The following B4GALT5 variants were observed in gnomAD, a reference collection of about 807,000 sequenced individuals.
B4GALT5 encodes beta-1,4-galactosyltransferase 5.
In B4GALT5, 11 loss-of-function variants were observed where a neutral mutation model predicts 45.0. The observed-to-expected ratio is 0.24, with a 90% CI of 0.15 to 0.40. B4GALT5 has a LOEUF of 0.40. Ranked by LOEUF, B4GALT5 falls within the 10% of genes least tolerant of loss-of-function variation. The pLI is 1.00. For synonymous variants in B4GALT5, 185 were observed against 182.9 expected, an observed-to-expected ratio of 1.01 and a Z score of -0.09; for missense variants, 337 against 500.2, an observed-to-expected ratio of 0.67 and a Z score of 3.11.
chr20:49,654,075 T>C (rs1384715284), intron 2 of B4GALT5, among the ~76,000 whole-genome samples: 2 of 152,218 alleles, frequency 1.3e-5, no homozygotes, highest in African/African-American at 2.4e-5. Context: ...TGCAGAAGTA[T>C]GACATCTGGA....
At chr20:49,642,871 T>C (rs1299770714) in intron 4 of B4GALT5, among the ~76,000 whole-genome samples, 1 of 152,230 alleles carries the variant, frequency 6.6e-6, no homozygotes, top group African/African-American at 2.4e-5. Context: ...AAAATACATC[T>C]ATAAACTTAC....
At chr20:49,673,724 A>C (rs2085725441) in intron 1 of B4GALT5, among the ~76,000 whole-genome samples, 1 of 152,180 alleles carries the variant, frequency 6.6e-6, no homozygotes, top group Non-Finnish European at 1.5e-5. Flanking sequence ...ACTTTGATTA[A>C]ACAGGAGAAT....
intron 1 of B4GALT5, among the ~76,000 whole-genome samples, chr20:49,701,027 C>T (rs181894378): frequency 6.6e-6 from 1 of 152,216 alleles, no homozygotes; most frequent in African/African-American, 2.4e-5. Context: ...AATATAAAAT[C>T]ACCCAAAACT....
intron 1 of B4GALT5, among the ~76,000 whole-genome samples, chr20:49,673,784 G>A (rs1288446302): frequency 6.6e-6 from 1 of 152,078 alleles, no homozygotes; most frequent in African/African-American, 2.4e-5. Flanking sequence ...TTAACTGCCT[G>A]GATAATTATC....
At chr20:49,667,409 G>A (rs372427180) in intron 1 of B4GALT5, among the ~76,000 whole-genome samples, 5 of 151,942 alleles carry the variant, frequency 3.3e-5, no homozygotes, top group African/African-American at 9.7e-5. Context: ...CTGCCACCTC[G>A]CCCGGCTAAT....
chr20:49,694,339 C>G (rs750954518), intron 1 of B4GALT5, among the ~76,000 whole-genome samples: 34 of 151,990 alleles, frequency 2.2e-4, no homozygotes, highest in Non-Finnish European at 1.5e-5. Flanking sequence ...AAAACTGTAA[C>G]TTCCTCTTCC....
intron 1 of B4GALT5, among the ~76,000 whole-genome samples, chr20:49,660,178 GT>G (rs1267566566): frequency 6.6e-6 from 1 of 152,164 alleles, no homozygotes. Flanking sequence ...TACTGGCCCA[GT>G]TGTCTACACT....
Position 49,642,589 on chromosome 20 carries a change from A to G in B4GALT5, c.490-5T>C. 6.2e-7 allele frequency: 1 copy of G among 1,601,570 alleles called. No homozygotes were observed. The highest frequency in any genetic ancestry group is 8.5e-7 in the Non-Finnish European group (1 of 1,169,624). On this transcript the variant is annotated splice_region_variant and splice_polypyrimidine_tract_variant and intron_variant, in intron 4 of 8. Transcript: ENST00000371711. ...GAAGGGGATAAGGATCGCCACCTGG[A>G]GTGGATTACAGCAAAAGAAGCACAG...
At chr20:49,684,078 C>A (rs1368559406) in intron 1 of B4GALT5, among the ~76,000 whole-genome samples, 1 of 151,570 alleles carries the variant, frequency 6.6e-6, no homozygotes, top group Admixed American at 6.6e-5. Flanking sequence ...GAGGTGGAGG[C>A]TGCAGTGAGC....
rs1434005496 is a variant in B4GALT5 at position 49,635,462 on chromosome 20, C to A, written c.*850G>T. The A allele has an allele frequency of 2.0e-5, 3 of 151,930 alleles. No individual in the cohort carries two copies. Among genetic ancestry groups the A allele is most frequent in the African/African-American group, 7.3e-5 (3 of 41,330 alleles). The allele number at this position is 151,930 out of a possible 1,614,324, so 9.4% of individuals were successfully genotyped here. A position where few individuals can be genotyped will look rare whatever the true frequency, so the allele number is the denominator to read the frequency against. On this transcript the variant is annotated 3_prime_UTR_variant, in exon 9 of 9. Coordinates refer to ENST00000371711, the MANE Select transcript of B4GALT5 (RefSeq NM_004776.4). ...ACTCGTGGGGGGGGGAAGAAAGGGACAGAAGCCAGCTCCCAGCAATAAAGG... is the reference window on the plus strand; with the variant it reads ...ACTCGTGGGGGGGGGAAGAAAGGGAAAGAAGCCAGCTCCCAGCAATAAAGG...
At chr20:49,669,262 A>G (rs1601259513) in intron 1 of B4GALT5, among the ~76,000 whole-genome samples, 1 of 152,188 alleles carries the variant, frequency 6.6e-6, no homozygotes, top group East Asian at 1.9e-4. Flanking sequence ...CTCAACTGAT[A>G]CACCAACTTC....
At chr20:49,678,727 T>G (rs948368464) in intron 1 of B4GALT5, among the ~76,000 whole-genome samples, 1 of 152,180 alleles carries the variant, frequency 6.6e-6, no homozygotes, top group Non-Finnish European at 1.5e-5. Flanking sequence ...TTCATTTAAC[T>G]TCGATAAAGT....
chr20:49,660,617 C>G (rs772216407), intron 1 of B4GALT5, among the ~76,000 whole-genome samples: 37 of 152,130 alleles, frequency 2.4e-4, no homozygotes, highest in Non-Finnish European at 4.6e-4. Context: ...TGCTAAATTG[C>G]CCTTCTCCTG....
At chr20:49,708,478 C>T (rs911528098) in intron 1 of B4GALT5, among the ~76,000 whole-genome samples, 10 of 152,060 alleles carry the variant, frequency 6.6e-5, no homozygotes, top group African/African-American at 2.2e-4. Context: ...CAAGGTCATT[C>T]GATCAAATCA....
chr20:49,713,530 T>A (rs2085929698), intron 1 of B4GALT5, 46 bp downstream of exon 1: 1 of 1,534,826 alleles, frequency 6.5e-7, no homozygotes, highest in Non-Finnish European at 8.8e-7. Flanking sequence ...CCCGGGTCCC[T>A]CAAGGCCAGA....
chr20:49,634,542 G>A lies in B4GALT5; in HGVS notation c.*1770C>T, dbSNP rs575838206. 1 of 152,242 alleles carries A rather than the reference G, an allele frequency of 6.6e-6. No individual in the cohort carries two copies. Among genetic ancestry groups the A allele is most frequent in the South Asian group, 2.1e-4 (1 of 4,824 alleles). The allele number at this position is 152,242 out of a possible 1,614,324, so 9.4% of individuals were successfully genotyped here. ...CTTTGGTTTGGGGAAAAACAAAGAG[G>A]CACAAATTCAAATACAATTTAGAAC... On this transcript the variant is annotated 3_prime_UTR_variant, in exon 9 of 9. Transcript: ENST00000371711.
intron 1 of B4GALT5, among the ~76,000 whole-genome samples, chr20:49,682,816 G>A (rs964295872): frequency 6.6e-5 from 10 of 152,096 alleles, no homozygotes; most frequent in African/African-American, 1.2e-4. Context: ...ATTCTAGGCC[G>A]GCGCAGTGGC....
chr20:49,702,530 T>A (rs575761099), intron 1 of B4GALT5, among the ~76,000 whole-genome samples: 1 of 152,210 alleles, frequency 6.6e-6, no homozygotes, highest in East Asian at 1.9e-4. Flanking sequence ...ATGTATCTGA[T>A]AAAGGTTTAA....
At chr20:49,706,221 C>T (rs2085883336) in intron 1 of B4GALT5, among the ~76,000 whole-genome samples, 2 of 148,686 alleles carry the variant, frequency 1.3e-5, no homozygotes, top group Admixed American at 6.7e-5. Context: ...AAATCATAAA[C>T]ATAAGGACCT....
Sources: gnomAD v4.1 joint callset for allele counts (sites outside exome capture counted in the v4.1 genomes callset) on GRCh38, gnomAD v4.1.1 for gene constraint, MANE v1.5 for transcripts, NCBI Gene and HGNC (gene_info 2026-07-23, HGNC 2026-07-21) for gene names.